The following MYO1E variants were observed in gnomAD, a reference collection of about 807,000 sequenced individuals.
The protein encoded by MYO1E is unconventional myosin-Ie.
In MYO1E, 68 loss-of-function variants were observed where a neutral mutation model predicts 151.1. The observed-to-expected ratio is 0.45, with a 90% CI of 0.37 to 0.55. The LOEUF is 0.55. MYO1E is among the 20% of genes least tolerant of loss of function. MYO1E has a pLI of 0.00. For synonymous variants in MYO1E, 601 were observed against 501.7 expected (o/e 1.20, Z -2.64); for missense variants, 1,363 against 1,389.3 (o/e 0.98, Z 0.30).
Position 59,372,726 on chromosome 15 carries a change from G to T in MYO1E, c.-226C>A. On this transcript the variant is annotated 5_prime_UTR_variant, in exon 1 of 28. Coordinates refer to ENST00000288235, the MANE Select transcript of MYO1E (RefSeq NM_004998.4). ...ACGGCGGCGACTTAGCAGGCGGGGC[G>T]CATGCTGCGGAGGGCAAGAGTCCAC... 6 of 582,272 alleles carry T rather than the reference G, an allele frequency of 1.0e-5. No homozygotes were observed. In the South Asian group the frequency reaches 1.3e-4, roughly 12 times the overall value. 36.1% of individuals were successfully genotyped at this position (582,272 alleles called of 1,614,324 possible).
intron 1 of MYO1E, 80 bp downstream of exon 1, chr15:59,372,418 C>T: frequency 1.3e-6 from 2 of 1,522,576 alleles, no homozygotes; most frequent in East Asian, 2.5e-5. Context: ...CGGCAGCGCG[C>T]CCAAGGTGGG....
At chr15:59,141,979 C>A (rs1279674324) in intron 26 of MYO1E, among the ~76,000 whole-genome samples, 2 of 146,224 alleles carry the variant, frequency 1.4e-5, no homozygotes, top group Admixed American at 6.8e-5. Flanking sequence ...TGGTGGCGGG[C>A]GCTTGTAGTC....
intron 1 of MYO1E, among the ~76,000 whole-genome samples, chr15:59,322,885 G>T (rs574083698): frequency 9.9e-5 from 15 of 152,050 alleles, no homozygotes; most frequent in African/African-American, 3.6e-4. Context: ...TTTCTGGCCG[G>T]GCACGGTGGC....
intron 4 of MYO1E, among the ~76,000 whole-genome samples, chr15:59,239,311 T>C (rs1489173855): frequency 1.3e-5 from 2 of 151,172 alleles, no homozygotes; most frequent in Non-Finnish European, 2.9e-5. Flanking sequence ...CTCACAATAA[T>C]CACCACTGAT....
intron 1 of MYO1E, among the ~76,000 whole-genome samples, chr15:59,299,705 A>G (rs1382464796): frequency 6.6e-6 from 1 of 152,230 alleles, no homozygotes; most frequent in Admixed American, 6.5e-5. Flanking sequence ...AGCTGAGAAG[A>G]CTGTGAGTTC....
At chr15:59,279,340 T>A (rs1297738532) in intron 1 of MYO1E, among the ~76,000 whole-genome samples, 1 of 152,118 alleles carries the variant, frequency 6.6e-6, no homozygotes, top group African/African-American at 2.4e-5. Flanking sequence ...AGCAAACATA[T>A]AATGTATCAT....
chr15:59,172,703 G>A (rs191839590), intron 21 of MYO1E, among the ~76,000 whole-genome samples: 5 of 152,344 alleles, frequency 3.3e-5, no homozygotes, highest in African/African-American at 7.2e-5. Context: ...ACAGGGGGCA[G>A]TGTCTGCATA....
At chr15:59,327,434 G>A (rs1299815466) in intron 1 of MYO1E, among the ~76,000 whole-genome samples, 1 of 151,746 alleles carries the variant, frequency 6.6e-6, no homozygotes, top group Non-Finnish European at 1.5e-5. Context: ...TCAGCCTCCT[G>A]AGTAGCTGGG....
intron 25 of MYO1E, 46 bp from the exon 26 acceptor site, chr15:59,153,837 C>G: frequency 6.4e-7 from 1 of 1,554,154 alleles, no homozygotes; most frequent in Non-Finnish European, 8.9e-7. Context: ...ATTTTTGGAT[C>G]CTTTGCCAAA....
At chr15:59,179,753 T>C (rs1482741400) in intron 18 of MYO1E, among the ~76,000 whole-genome samples, 1 of 152,264 alleles carries the variant, frequency 6.6e-6, no homozygotes, top group East Asian at 1.9e-4. Context: ...TTAAAGATTA[T>C]CCAGTCTACT....
intron 4 of MYO1E, among the ~76,000 whole-genome samples, chr15:59,242,166 A>G (rs116751727): frequency 0.012 from 1,768 of 152,328 alleles, 38 homozygotes; most frequent in African/African-American, 0.041. Context: ...GCCTTTACCT[A>G]TACAGAACAA....
chr15:59,176,465 T>C (rs28390143), intron 19 of MYO1E, among the ~76,000 whole-genome samples: 10 of 108,690 alleles, frequency 9.2e-5, no homozygotes, highest in Non-Finnish European at 1.2e-4. Context: ...TTTTTTTTTT[T>C]CTTTTTTTTA....
In MYO1E at chr15:59,311,912, T is replaced by C. The variant is rs8039950; in HGVS notation, c.4-39463A>G. The stretch of plus-strand genomic sequence containing the variant: ...GTGCACGCACTTGCCATATGTTGCT[T>C]TCTGCCGTGTTGAAGCAGCAAGAAG... On this transcript the variant is annotated intron_variant, in intron 1 of 27. Transcript: ENST00000288235. Among the ~76,000 whole-genome samples the C allele has an allele frequency of 4.4e-3, 663 of 152,300 alleles. 4 individuals carry two copies. The highest frequency in any genetic ancestry group is 0.015 in the African/African-American group (604 of 41,546).
intron 22 of MYO1E, among the ~76,000 whole-genome samples, chr15:59,168,459 T>C (rs887960321): frequency 2.6e-5 from 4 of 151,618 alleles, no homozygotes; most frequent in East Asian, 1.9e-4. Context: ...GGTGGGAGGA[T>C]TGCTTGAACC....
chr15:59,174,707 G>A (rs1267313225), intron 19 of MYO1E, among the ~76,000 whole-genome samples: 4 of 152,130 alleles, frequency 2.6e-5, no homozygotes, highest in African/African-American at 9.7e-5. Context: ...TGCTGCTGTG[G>A]AAGGAGGGCT....
chr15:59,153,859 A>G, intron 25 of MYO1E, 68 bp from the exon 26 acceptor site: 2 of 1,441,686 alleles, frequency 1.4e-6, no homozygotes, highest in East Asian at 2.3e-5. Context: ...GTCTCTCCAC[A>G]TTTCTTCCAT....
chr15:59,208,615 T>G, intron 14 of MYO1E, 66 bp downstream of exon 14: 353 of 1,578,218 alleles, frequency 2.2e-4, no homozygotes, highest in Non-Finnish European at 2.9e-4. Flanking sequence ...ATTTGCTTCA[T>G]GAGAAACCAG....
intron 1 of MYO1E, among the ~76,000 whole-genome samples, chr15:59,313,893 T>C (rs2080568815): frequency 6.6e-6 from 1 of 152,240 alleles, no homozygotes; most frequent in Admixed American, 6.5e-5. Context: ...ATGACTTAAT[T>C]GCTCCTGTGC....
At chr15:59,256,426 A>G in intron 3 of MYO1E, 48 bp from the exon 4 acceptor site, 3 of 1,152,456 alleles carry the variant, frequency 2.6e-6, no homozygotes, top group Non-Finnish European at 3.6e-6. Flanking sequence ...AAAAATTTAA[A>G]AATAAAAACA....
Sources: gnomAD v4.1 joint callset for allele counts (sites outside exome capture counted in the v4.1 genomes callset) on GRCh38, gnomAD v4.1.1 for gene constraint, MANE v1.5 for transcripts, NCBI Gene and HGNC (gene_info 2026-07-23, HGNC 2026-07-21) for gene names.